Variants in LCMT1 observed in about 807,000 individuals in gnomAD.
LCMT1 encodes the protein [Phosphatase 2A protein]-leucine-carboxy methyltransferase 1.
Under a neutral mutation model 47.7 loss-of-function variants are expected in LCMT1, and 32 were observed. The observed-to-expected ratio is 0.67, with a 90% confidence interval of 0.51 to 0.90. LCMT1 has a LOEUF of 0.90. LCMT1 is among the 40% of genes least tolerant of loss of function. The probability of loss-of-function intolerance (pLI) is 0.00; values close to 1 mark genes in which losing one functional copy is unlikely to be tolerated. For missense variants in LCMT1, 375 were observed against 415.2 expected (o/e 0.90, Z 0.84); for synonymous variants, 152 against 149.7 (o/e 1.02, Z -0.11).
chr16:25,130,318 C>T (rs1374971705), intron 2 of LCMT1, among the ~76,000 whole-genome samples: 1 of 128,852 alleles, frequency 7.8e-6, no homozygotes, highest in South Asian at 2.6e-4. Flanking sequence ...CCAGTCTGGG[C>T]GACAGAGCAA....
chr16:25,159,185 C>G (rs944272018), intron 5 of LCMT1, among the ~76,000 whole-genome samples: 1 of 152,204 alleles, frequency 6.6e-6, no homozygotes, highest in African/African-American at 2.4e-5. Context: ...TCCAAATGTG[C>G]TTATTATTAA....
chr16:25,123,723 T>C (rs910164115), intron 1 of LCMT1, among the ~76,000 whole-genome samples: 2 of 146,232 alleles, frequency 1.4e-5, no homozygotes, highest in African/African-American at 5.1e-5. Flanking sequence ...TTCTCCTGCC[T>C]CAGCCTTTCT....
intron 1 of LCMT1, among the ~76,000 whole-genome samples, chr16:25,118,249 A>T (rs569987259): frequency 1.3e-4 from 19 of 149,850 alleles, no homozygotes; most frequent in African/African-American, 3.4e-4. Context: ...ACTTCATACC[A>T]CACTTCCCTC....
chr16:25,176,012 A>G (rs1033850583), intron 10 of LCMT1, among the ~76,000 whole-genome samples: 1 of 152,162 alleles, frequency 6.6e-6, no homozygotes, highest in Non-Finnish European at 1.5e-5. Flanking sequence ...ATCCACTTAC[A>G]ACCAGGTTCA....
At chr16:25,156,286 C>T (rs1023478851) in intron 5 of LCMT1, among the ~76,000 whole-genome samples, 2 of 152,218 alleles carry the variant, frequency 1.3e-5, no homozygotes, top group Non-Finnish European at 2.9e-5. Context: ...CTTTCTCCCT[C>T]TTCTGCCATG....
intron 9 of LCMT1, among the ~76,000 whole-genome samples, chr16:25,173,788 T>G (rs1029407292): frequency 1.3e-5 from 2 of 152,092 alleles, no homozygotes; most frequent in Non-Finnish European, 2.9e-5. Context: ...CAAGTGATTC[T>G]CCCACCTTGG....
intron 7 of LCMT1, among the ~76,000 whole-genome samples, chr16:25,168,262 T>C (rs1961647758): frequency 6.6e-6 from 1 of 152,222 alleles, no homozygotes; most frequent in African/African-American, 2.4e-5. Flanking sequence ...TTGGCCAGGC[T>C]GGTATTGAAT....
chr16:25,144,670 CTG>C (rs2141670852), intron 4 of LCMT1: 1 of 152,344 alleles, frequency 6.6e-6, no homozygotes, highest in South Asian at 2.1e-4. Context: ...CTAACCCAGT[CTG>C]AACCTGGTGG....
intron 1 of LCMT1, among the ~76,000 whole-genome samples, chr16:25,113,599 G>A (rs1959697044): frequency 6.6e-6 from 1 of 152,196 alleles, no homozygotes; most frequent in Non-Finnish European, 1.5e-5. Flanking sequence ...AAATACACAA[G>A]TATTAAAGTC....
intron 5 of LCMT1, among the ~76,000 whole-genome samples, chr16:25,152,375 C>T (rs1961109668): frequency 6.6e-6 from 1 of 152,290 alleles, no homozygotes; most frequent in East Asian, 1.9e-4. Flanking sequence ...TTTTCAAGGT[C>T]ACTCTGGGGT....
intron 5 of LCMT1, among the ~76,000 whole-genome samples, chr16:25,158,428 C>T (rs1392612990): frequency 6.6e-6 from 1 of 152,250 alleles, no homozygotes; most frequent in East Asian, 1.9e-4. Flanking sequence ...AGCCACTGCG[C>T]CCGGCCGGTC....
At chr16:25,162,386 C>T (rs1043455130) in intron 6 of LCMT1, among the ~76,000 whole-genome samples, 3 of 151,568 alleles carry the variant, frequency 2.0e-5, no homozygotes, top group South Asian at 2.1e-4. Flanking sequence ...GTCAGGAGTT[C>T]GAGACCAGCC....
At position 25,138,520 on chromosome 16, in the gene LCMT1, CGTGTGTGT is replaced by C. The variant is rs562711822; in HGVS notation, c.328-1645_328-1638del. Reference sequence around the variant, plus strand: ...ACCCAGGGCTGTGTGTGCGCATGTGCGTGTGTGTGTGTGGTTGTGTGTGTGTGTATGTG... The same window carrying C: ...ACCCAGGGCTGTGTGTGCGCATGTGCGTGTGGTTGTGTGTGTGTGTATGTG... On this transcript the variant is annotated intron_variant, in intron 3 of 10. Transcript: ENST00000399069. Among the ~76,000 whole-genome samples, 206 of 151,272 alleles carry C rather than the reference CGTGTGTGT, an allele frequency of 1.4e-3. 1 individual carries two copies. Among genetic ancestry groups the C allele is most frequent in the African/African-American group, 4.8e-3 (199 of 41,212 alleles).
intron 1 of LCMT1, chr16:25,125,895 G>A (rs974689915): frequency 2.8e-5 from 15 of 530,692 alleles, no homozygotes; most frequent in Admixed American, 4.5e-5. Flanking sequence ...AATTTGTTCA[G>A]CAGTTGGTTC....
intron 9 of LCMT1, among the ~76,000 whole-genome samples, chr16:25,173,876 A>G (rs1163916377): frequency 1.3e-5 from 2 of 151,696 alleles, no homozygotes; most frequent in African/African-American, 2.4e-5. Flanking sequence ...CTATTTCCAT[A>G]TGTTTGTGCA....
rs933082581 is a variant in LCMT1, at chr16:25,111,814, C to T, written c.-70C>T. On this transcript the variant is annotated 5_prime_UTR_variant, in exon 1 of 11. Coordinates refer to ENST00000399069, the MANE Select transcript of LCMT1 (RefSeq NM_016309.3). The stretch of plus-strand genomic sequence containing the variant: ...GTTGCTTTCTCCCTGTGGCTCGCGC[C>T]GTCCCCCGCCGCCCGTCGACCCCGC... 45 of 1,031,154 alleles carry T rather than the reference C, an allele frequency of 4.4e-5. No homozygotes were observed. Among genetic ancestry groups the T allele is most frequent in the Admixed American group, 3.8e-4 (19 of 50,070 alleles). 63.9% of individuals were successfully genotyped at this position (1,031,154 alleles called of 1,614,324 possible). A position where few individuals can be genotyped will look rare whatever the true frequency, so the allele number is the denominator to read the frequency against.
In LCMT1 at chr16:25,111,809, C is replaced by A; in HGVS notation, c.-75C>A. On this transcript the variant is annotated 5_prime_UTR_variant, in exon 1 of 11. Coordinates refer to ENST00000399069, the MANE Select transcript of LCMT1 (RefSeq NM_016309.3). ...CTTCTGTTGCTTTCTCCCTGTGGCTCGCGCCGTCCCCCGCCGCCCGTCGAC... is the reference window on the plus strand; with the variant it reads ...CTTCTGTTGCTTTCTCCCTGTGGCTAGCGCCGTCCCCCGCCGCCCGTCGAC... The A allele has an allele frequency of 1.0e-6, 1 of 990,272 alleles. No individual in the cohort carries two copies. The allele number at this position is 990,272 out of a possible 1,614,324, so 61.3% of individuals were successfully genotyped here. A position where few individuals can be genotyped will look rare whatever the true frequency, so the allele number is the denominator to read the frequency against.
chr16:25,175,551 G>C (rs1961906107), intron 10 of LCMT1, among the ~76,000 whole-genome samples: 1 of 151,990 alleles, frequency 6.6e-6, no homozygotes, highest in Non-Finnish European at 1.5e-5. Flanking sequence ...AGAATCACTT[G>C]TACCTGGGAG....
At chr16:25,136,210 A>C (rs1266527430) in intron 3 of LCMT1, among the ~76,000 whole-genome samples, 2 of 151,372 alleles carry the variant, frequency 1.3e-5, no homozygotes, top group African/African-American at 2.4e-5. Flanking sequence ...CCTACAGCCT[A>C]CTTTTCTCCA....
Sources: gnomAD v4.1 joint callset for allele counts (sites outside exome capture counted in the v4.1 genomes callset) on GRCh38, gnomAD v4.1.1 for gene constraint, MANE v1.5 for transcripts, NCBI Gene and HGNC (gene_info 2026-07-23, HGNC 2026-07-21) for gene names.